Variants in DLG2 observed in about 807,000 individuals in gnomAD.
The protein encoded by DLG2 is discs large MAGUK scaffold protein 2.
Under a neutral mutation model 132.5 loss-of-function variants are expected in DLG2, and 45 were observed. The observed-to-expected ratio is 0.34, with a 90% CI of 0.27 to 0.44. DLG2 has a LOEUF of 0.44. Ranked by LOEUF, DLG2 falls within the 20% of genes least tolerant of loss-of-function variation. DLG2 has a pLI of 1.00. For synonymous variants in DLG2, 424 were observed against 419.6 expected, an observed-to-expected ratio of 1.01 and a Z score of -0.13; for missense variants, 1,045 against 1,196.9, an observed-to-expected ratio of 0.87 and a Z score of 1.87.
chr11:83,619,443 C>G (rs868868516), intron 19 of DLG2, among the ~76,000 whole-genome samples: 1 of 152,262 alleles, frequency 6.6e-6, no homozygotes, highest in Middle Eastern at 3.4e-3. Flanking sequence ...TGGCATAGGA[C>G]AGAATTGAGT....
intron 6 of DLG2, among the ~76,000 whole-genome samples, chr11:85,096,414 C>T (rs920427984): frequency 5.9e-5 from 9 of 151,652 alleles, no homozygotes; most frequent in Admixed American, 1.3e-4. Context: ...CAACTCCAGA[C>T]GCGCCACCTT....
intron 7 of DLG2, among the ~76,000 whole-genome samples, chr11:84,352,351 A>G (rs558174522): frequency 1.3e-5 from 2 of 152,330 alleles, no homozygotes; most frequent in East Asian, 1.9e-4. Context: ...TGGAGATTAA[A>G]TGAGGTATTA....
chr11:85,462,115 C>G (rs1257902371), intron 3 of DLG2, among the ~76,000 whole-genome samples: 1 of 152,178 alleles, frequency 6.6e-6, no homozygotes, highest in Non-Finnish European at 1.5e-5. Context: ...CATCTCACGC[C>G]AGTTAGAATG....
chr11:84,214,264 T>TAC (rs1474097084), intron 8 of DLG2, among the ~76,000 whole-genome samples: 3 of 135,334 alleles, frequency 2.2e-5, no homozygotes, highest in Admixed American at 7.1e-5. Context: ...TATATATGAA[T>TAC]ATATATACAC....
intron 6 of DLG2, among the ~76,000 whole-genome samples, chr11:84,712,919 C>G (rs1287009437): frequency 6.6e-6 from 1 of 152,084 alleles, no homozygotes; most frequent in Non-Finnish European, 1.5e-5. Flanking sequence ...GTAGCCTTGG[C>G]TGTGTAACTT....
chr11:83,657,862 C>T (rs565434771), intron 18 of DLG2, among the ~76,000 whole-genome samples: 1 of 152,310 alleles, frequency 6.6e-6, no homozygotes, highest in African/African-American at 2.4e-5. Flanking sequence ...TCTTAACAAT[C>T]TTCTTGCTAC....
chr11:83,507,325 T>C (rs962050127), intron 21 of DLG2, among the ~76,000 whole-genome samples: 3 of 151,610 alleles, frequency 2.0e-5, no homozygotes, highest in Non-Finnish European at 4.4e-5. Flanking sequence ...CCATCCTTAA[T>C]ATTCTGTTCC....
chr11:85,071,782 A>G (rs1247555250), intron 6 of DLG2, among the ~76,000 whole-genome samples: 1 of 151,862 alleles, frequency 6.6e-6, no homozygotes, highest in Non-Finnish European at 1.5e-5. Context: ...GGCGATTCAT[A>G]TGATTAGAAT....
At chr11:85,556,238 T>C (rs1237222518) in intron 3 of DLG2, among the ~76,000 whole-genome samples, 1 of 151,926 alleles carries the variant, frequency 6.6e-6, no homozygotes, top group Non-Finnish European at 1.5e-5. Flanking sequence ...TATTATGTAA[T>C]CTACTTCATT....
intron 8 of DLG2, among the ~76,000 whole-genome samples, chr11:84,197,545 G>C (rs1227548684): frequency 1.3e-5 from 2 of 152,054 alleles, no homozygotes; most frequent in Non-Finnish European, 2.9e-5. Context: ...CACTAAAAAA[G>C]CCTCCAAAGA....
At chr11:84,638,988 C>A (rs1427794140) in intron 6 of DLG2, among the ~76,000 whole-genome samples, 1 of 152,226 alleles carries the variant, frequency 6.6e-6, no homozygotes, top group Non-Finnish European at 1.5e-5. Flanking sequence ...CTGAGGACCA[C>A]TGATAAAATC....
chr11:84,009,924 C>A (rs1018248780), intron 11 of DLG2, among the ~76,000 whole-genome samples: 1 of 151,970 alleles, frequency 6.6e-6, no homozygotes, highest in African/African-American at 2.4e-5. Context: ...ATTTAACAAC[C>A]TGTGGGCCAA....
chr11:83,479,435 A>C (rs1430760241), intron 22 of DLG2, among the ~76,000 whole-genome samples: 1 of 152,126 alleles, frequency 6.6e-6, no homozygotes, highest in African/African-American at 2.4e-5. Flanking sequence ...ATTCAAACAA[A>C]AGACAACACC....
At chr11:83,782,448 A>T (rs1006865805) in intron 18 of DLG2, among the ~76,000 whole-genome samples, 1 of 152,152 alleles carries the variant, frequency 6.6e-6, no homozygotes, top group Non-Finnish European at 1.5e-5. Flanking sequence ...GAGGTGTGCA[A>T]ACTGTCATAA....
chr11:85,266,531 C>A (rs1364565719), intron 4 of DLG2, among the ~76,000 whole-genome samples: 1 of 151,804 alleles, frequency 6.6e-6, no homozygotes, highest in African/African-American at 2.4e-5. Context: ...ATGGGTGTAG[C>A]AAATCAGCAT....
intron 20 of DLG2, among the ~76,000 whole-genome samples, chr11:83,537,933 G>A (rs1362399278): frequency 6.8e-6 from 1 of 147,862 alleles, no homozygotes; most frequent in Non-Finnish European, 1.5e-5. Context: ...AGATTTTAAA[G>A]TCACACAAGC....
At chr11:85,029,484 A>G (rs1674654013) in intron 6 of DLG2, among the ~76,000 whole-genome samples, 1 of 152,218 alleles carries the variant, frequency 6.6e-6, no homozygotes. Flanking sequence ...TCATTAGGGA[A>G]ATTTTTAAAC....
chr11:84,936,349 T>C (rs762412658), intron 6 of DLG2, among the ~76,000 whole-genome samples: 1 of 152,160 alleles, frequency 6.6e-6, no homozygotes, highest in Non-Finnish European at 1.5e-5. Context: ...TAAAAATTGG[T>C]ACAACTACAT....
At chr11:84,226,872 G>T (rs940013625) in intron 8 of DLG2, among the ~76,000 whole-genome samples, 9 of 152,016 alleles carry the variant, frequency 5.9e-5, no homozygotes, top group African/African-American at 2.2e-4. Flanking sequence ...CGGCACATGA[G>T]GTCAGGAGAT....
Sources: allele counts gnomAD v4.1 joint callset (sites outside exome capture counted in the v4.1 genomes callset), GRCh38; gene constraint gnomAD v4.1.1; transcripts MANE v1.5; gene names NCBI Gene and HGNC (gene_info 2026-07-23, HGNC 2026-07-21).